Variants in UNC13C observed in about 807,000 individuals in gnomAD.
The protein encoded by UNC13C is protein unc-13 homolog C.
A neutral mutation model predicts 245.4 loss-of-function variants in UNC13C; 174 were observed. The ratio of observed to expected loss-of-function variants is 0.71; its 90% CI spans 0.63 to 0.80. The LOEUF is 0.80. Ranked by LOEUF, UNC13C falls within the 30% of genes least tolerant of loss-of-function variation. The pLI, the probability that UNC13C is intolerant of heterozygous loss-of-function variation, is 0.00. For missense variants in UNC13C, 2,829 were observed against 2,602.9 expected, an observed-to-expected ratio of 1.09 and a Z score of -1.89; for synonymous variants, 992 against 895.1, an observed-to-expected ratio of 1.11 and a Z score of -1.93.
At chr15:54,137,203 T>A (rs2031782730) in intron 2 of UNC13C, among the ~76,000 whole-genome samples, 1 of 152,216 alleles carries the variant, frequency 6.6e-6, no homozygotes. Context: ...TAAATTCCAT[T>A]TGATCATGGT....
At chr15:54,059,812 T>A (rs1387355818) in intron 2 of UNC13C, among the ~76,000 whole-genome samples, 3 of 151,968 alleles carry the variant, frequency 2.0e-5, no homozygotes, top group East Asian at 1.9e-4. Context: ...AAATAATGCC[T>A]CATATCTACA....
chr15:54,489,411 A>ATCAAT (rs1893588341), intron 19 of UNC13C, among the ~76,000 whole-genome samples: 1 of 152,312 alleles, frequency 6.6e-6, no homozygotes, highest in East Asian at 1.9e-4. Context: ...GCAGTGGTGC[A>ATCAAT]TCAATTCATA....
chr15:54,290,853 T>G (rs117870635), intron 10 of UNC13C, among the ~76,000 whole-genome samples: 3,558 of 152,150 alleles, frequency 0.023, 62 homozygotes, highest in Non-Finnish European at 0.031. Flanking sequence ...TGCCTGCTAT[T>G]TGCAGGTAAA....
At chr15:54,104,085 C>T (rs907554981) in intron 2 of UNC13C, among the ~76,000 whole-genome samples, 5 of 152,224 alleles carry the variant, frequency 3.3e-5, no homozygotes, top group African/African-American at 4.8e-5. Flanking sequence ...CCTTTTCTTT[C>T]TTTCATGGTC....
intron 4 of UNC13C, among the ~76,000 whole-genome samples, chr15:54,185,376 T>A (rs1198666329): frequency 2.0e-5 from 3 of 151,566 alleles, no homozygotes; most frequent in Non-Finnish European, 4.4e-5. Context: ...ATTGCCTAGG[T>A]TTTCTTCTAG....
intron 2 of UNC13C, among the ~76,000 whole-genome samples, chr15:54,018,677 G>T (rs535526380): frequency 6.6e-6 from 1 of 152,168 alleles, no homozygotes; most frequent in Non-Finnish European, 1.5e-5. Flanking sequence ...CTTCAGCCTT[G>T]TACCACCTAT....
chr15:54,481,456 G>A (rs973778513), intron 19 of UNC13C, among the ~76,000 whole-genome samples: 2 of 152,184 alleles, frequency 1.3e-5, no homozygotes, highest in African/African-American at 4.8e-5. Flanking sequence ...GGGACAGGGT[G>A]AGCTGATCTT....
chr15:54,446,833 T>C (rs957244984), intron 19 of UNC13C, among the ~76,000 whole-genome samples: 7 of 152,162 alleles, frequency 4.6e-5, no homozygotes, highest in African/African-American at 1.4e-4. Context: ...CTATGTTGAA[T>C]AGGAGTGGTG....
chr15:54,474,581 G>A (rs950104054), intron 19 of UNC13C, among the ~76,000 whole-genome samples: 1 of 151,830 alleles, frequency 6.6e-6, no homozygotes, highest in African/African-American at 2.4e-5. Context: ...GTATGTTCTG[G>A]ATATTATTTT....
chr15:54,337,289 C>T (rs1427985522), intron 16 of UNC13C, among the ~76,000 whole-genome samples: 3 of 152,164 alleles, frequency 2.0e-5, no homozygotes, highest in Non-Finnish European at 4.4e-5. Context: ...AGCGTTGTTT[C>T]TTTATATTCT....
At position 54,322,082 on chromosome 15, in the gene UNC13C, C is replaced by T. The variant is rs1420802160; in HGVS notation, c.4412C>T (p.Ala1471Val). 1 of 1,575,868 alleles carries T rather than the reference C, an allele frequency of 6.3e-7. No individual in the cohort carries two copies. Among genetic ancestry groups the T allele is most frequent in the East Asian group, 2.3e-5 (1 of 43,618 alleles). The change falls in exon 14 of 33, where the codon GCT (alanine) becomes GTT (valine). Residue 1471 changes from alanine to valine, a missense_variant. Physicochemically the swap from Ala to Val is moderately conservative, Grantham distance 64. Coordinates refer to ENST00000260323, the MANE Select transcript of UNC13C (RefSeq NM_001080534.3). Reference protein sequence around the residue: ...IQVSASDRFAATNFGREKFIK... With the variant: ...IQVSASDRFAVTNFGREKFIK... ...GTTTCTGCCTCAGATCGATTTGCTGCTACCAACTTTGGTGTAAGTATAATT... is the reference window on the plus strand; with the variant it reads ...GTTTCTGCCTCAGATCGATTTGCTGTTACCAACTTTGGTGTAAGTATAATT...
At chr15:54,000,715 C>G (rs1334487617) in intron 1 of UNC13C, among the ~76,000 whole-genome samples, 1 of 152,022 alleles carries the variant, frequency 6.6e-6, no homozygotes. Flanking sequence ...TAAAACTAAG[C>G]AAAATGAGTT....
At chr15:54,632,118 T>C (rs946103710), downstream of UNC13C, 7 of 152,176 alleles carry the variant, frequency 4.6e-5, no homozygotes, top group African/African-American at 1.7e-4. Context: ...TGTGTGCTTA[T>C]TTGACATCCA....
intron 17 of UNC13C, among the ~76,000 whole-genome samples, chr15:54,352,353 T>TATAG (rs1491518104): frequency 2.2e-5 from 3 of 133,540 alleles, no homozygotes; most frequent in East Asian, 4.7e-4. Context: ...TATATATATA[T>TATAG]AGAGAGAGAG....
chr15:54,341,669 T>G (rs2038734962), intron 17 of UNC13C, among the ~76,000 whole-genome samples: 1 of 152,194 alleles, frequency 6.6e-6, no homozygotes, highest in African/African-American at 2.4e-5. Context: ...CATGTTAACA[T>G]TTTCCAATAT....
At chr15:54,047,923 A>G (rs1595765487) in intron 2 of UNC13C, among the ~76,000 whole-genome samples, 1 of 152,310 alleles carries the variant, frequency 6.6e-6, no homozygotes, top group African/African-American at 2.4e-5. Flanking sequence ...ACTGAAATAT[A>G]ATTAACACTA....
At chr15:54,231,466 A>T (rs1486394168) in intron 4 of UNC13C, among the ~76,000 whole-genome samples, 1 of 150,984 alleles carries the variant, frequency 6.6e-6, no homozygotes, top group Non-Finnish European at 1.5e-5. Context: ...TCAGATCTTA[A>T]TAATGACCTT....
At chr15:54,357,088 A>C (rs971437443) in intron 17 of UNC13C, among the ~76,000 whole-genome samples, 1 of 152,014 alleles carries the variant, frequency 6.6e-6, no homozygotes, top group Non-Finnish European at 1.5e-5. Context: ...TTTACAGCTT[A>C]TAGGTTTTAT....
chr15:54,602,219 G>C lies in UNC13C; in HGVS notation c.6107-20108G>C, dbSNP rs1319911949. Among the ~76,000 whole-genome samples, 3 of 152,198 alleles carry C rather than the reference G, an allele frequency of 2.0e-5. No homozygotes were observed. In the South Asian group the frequency reaches 6.2e-4, roughly 32 times the overall value. On this transcript the variant is annotated intron_variant, in intron 30 of 32. Coordinates refer to ENST00000260323, the MANE Select transcript of UNC13C (RefSeq NM_001080534.3). ...GTTGTGCAGCCTGGAGGTAGAAGGG[G>C]ATAACTTTATTTCGGAAACAATTTA...
Sources: gnomAD v4.1 joint callset for allele counts (sites outside exome capture counted in the v4.1 genomes callset) on GRCh38, gnomAD v4.1.1 for gene constraint, MANE v1.5 for transcripts, NCBI Gene and HGNC (gene_info 2026-07-23, HGNC 2026-07-21) for gene names.